Variants in KALRN observed in about 807,000 individuals in gnomAD.
KALRN encodes kalirin RhoGEF kinase, also known as kalirin.
In KALRN, 70 loss-of-function variants were observed where a neutral mutation model predicts 353.7. The ratio of observed to expected loss-of-function variants is 0.20; its 90% CI spans 0.16 to 0.24. The LOEUF (loss-of-function observed/expected upper bound fraction) is 0.24. KALRN is among the 10% of genes least tolerant of loss of function. The pLI, the probability that KALRN is intolerant of heterozygous loss-of-function variation, is 1.00. For missense variants in KALRN, 2,791 were observed against 3,756.7 expected, an observed-to-expected ratio of 0.74 and a Z score of 6.72; for synonymous variants, 1,391 against 1,434.8, an observed-to-expected ratio of 0.97 and a Z score of 0.69.
At chr3:124,229,695 T>A (rs2078948819) in intron 2 of KALRN, among the ~76,000 whole-genome samples, 1 of 152,248 alleles carries the variant, frequency 6.6e-6, no homozygotes, top group East Asian at 1.9e-4. Context: ...GAGAGCCTGA[T>A]GATTCAGAGT....
Position 124,189,705 on chromosome 3 carries a change from C to T in KALRN, c.74-38285C>T, listed in dbSNP as rs556887153. On this transcript the variant is annotated intron_variant, in intron 1 of 59. Transcript: ENST00000682506. ...CTATAATCCTAGCACCTTGGGAGGC[C>T]GAGGCAGGTGGATCACAATGTCAGG... 9.9e-5 allele frequency among the ~76,000 whole-genome samples: 15 copies of T among 152,054 alleles called. No homozygotes were observed. In the East Asian group the frequency reaches 1.5e-3, roughly 16 times the overall value.
intron 45 of KALRN, among the ~76,000 whole-genome samples, chr3:124,664,371 G>GTGCGCGCGCGTGCGTGCA (rs780486751): frequency 1.3e-5 from 1 of 77,044 alleles, no homozygotes; most frequent in African/African-American, 1.1e-4. Flanking sequence ...GTGTGTGTGT[G>GTGCGCGCGCGTGCGTGCA]CGCGCGCGCG....
chr3:124,610,635 G>A (rs55948240), intron 34 of KALRN, among the ~76,000 whole-genome samples: 13,972 of 112,946 alleles, frequency 0.12, 812 homozygotes, highest in South Asian at 0.13. Flanking sequence ...AACTAACCCT[G>A]GGGGGGGCGG....
intron 36 of KALRN, among the ~76,000 whole-genome samples, chr3:124,635,394 G>A (rs1384684287): frequency 6.6e-6 from 1 of 152,146 alleles, no homozygotes; most frequent in Non-Finnish European, 1.5e-5. Context: ...TACAGAAATG[G>A]ATGTTACATT....
intron 1 of KALRN, among the ~76,000 whole-genome samples, chr3:124,113,387 A>G (rs1215505849): frequency 1.3e-5 from 2 of 152,184 alleles, no homozygotes. Context: ...GAGTGGTTAT[A>G]AGGTGCTCTG....
chr3:124,509,682 C>T (rs538870560), intron 33 of KALRN, among the ~76,000 whole-genome samples: 2 of 152,280 alleles, frequency 1.3e-5, no homozygotes, highest in East Asian at 1.9e-4. Flanking sequence ...TCACTCTATA[C>T]ATTATATGCA....
chr3:124,213,571 T>G (rs890888835), intron 1 of KALRN, among the ~76,000 whole-genome samples: 5 of 152,304 alleles, frequency 3.3e-5, no homozygotes, highest in African/African-American at 1.2e-4. Flanking sequence ...AAAATCCCTT[T>G]GGCACATAGG....
At chr3:124,340,088 C>G (rs1304446194) in intron 9 of KALRN, among the ~76,000 whole-genome samples, 1 of 152,144 alleles carries the variant, frequency 6.6e-6, no homozygotes, top group Non-Finnish European at 1.5e-5. Flanking sequence ...AAATGAACCC[C>G]CTGTTTACAT....
At chr3:124,410,216 G>A (rs767777383) in intron 13 of KALRN, 19 of 532,886 alleles carry the variant, frequency 3.6e-5, no homozygotes, top group Admixed American at 5.8e-5. Context: ...CAGGACCGTC[G>A]GCACCTTCCA....
At chr3:124,626,182 A>C (rs181104676) in intron 34 of KALRN, among the ~76,000 whole-genome samples, 1 of 152,362 alleles carries the variant, frequency 6.6e-6, no homozygotes, top group Admixed American at 6.5e-5. Context: ...TAATACCTAC[A>C]TTATGATAAT....
chr3:124,395,285 G>A lies in KALRN; in HGVS notation c.2113G>A (p.Asp705Asn), dbSNP rs2150060768. The change falls in exon 12 of 60, where the codon GAC (aspartate) becomes AAC (asparagine). Residue 705 changes from aspartate (D) to asparagine (N), a missense_variant. Around this residue, in one of 11 missense-constraint regions of KALRN, gnomAD observed 452 missense variants for 575.8 expected, o/e 0.78. Transcript: ENST00000682506. ...ATLNVIKEGEDLIQQLRSAPP... is the reference protein window; with the variant it reads ...ATLNVIKEGENLIQQLRSAPP... ...ACTCAATGTCATCAAGGAAGGCGAA[G>A]ACCTTATCCAGCAGCTCAGGTCAGC... 2 of 1,613,648 alleles carry A rather than the reference G, an allele frequency of 1.2e-6. No homozygotes were observed. Among genetic ancestry groups the A allele is most frequent in the African/African-American group, 2.7e-5 (2 of 74,846 alleles).
At chr3:124,626,031 A>T (rs1170518602) in intron 34 of KALRN, among the ~76,000 whole-genome samples, 2 of 152,176 alleles carry the variant, frequency 1.3e-5, no homozygotes, top group African/African-American at 4.8e-5. Flanking sequence ...CAGTGAGCTG[A>T]GATCGCGCCA....
At position 124,068,999 on chromosome 3, in the gene KALRN, G is replaced by C. The variant is rs111821572; in HGVS notation, c.73+35186G>C. Among the ~76,000 whole-genome samples, 300 of 152,284 alleles carry C rather than the reference G, an allele frequency of 2.0e-3. 1 individual carries two copies. Among genetic ancestry groups the C allele is most frequent in the African/African-American group, 5.9e-3 (246 of 41,568 alleles). The stretch of plus-strand genomic sequence containing the variant: ...GGTGTCTGACCTCCTGCTTTGGTCT[G>C]TCTGGATGTTGAAGCATGAATAACA... On this transcript the variant is annotated intron_variant, in intron 1 of 59. Coordinates refer to ENST00000682506, the MANE Select transcript of KALRN (RefSeq NM_001388419.1).
In KALRN at chr3:124,293,534, A is replaced by G. The variant is rs1580608149; in HGVS notation, c.970-5257A>G. On this transcript the variant is annotated intron_variant, in intron 5 of 59. Coordinates refer to ENST00000682506, the MANE Select transcript of KALRN (RefSeq NM_001388419.1). ...ATTTAAGTAGATTCATTTAACATTT[A>G]CTGTATTAAGAACTAGATTTGTATA... Among the ~76,000 whole-genome samples the G allele has an allele frequency of 2.0e-5, 3 of 152,316 alleles. No individual in the cohort carries two copies. In the South Asian group the frequency reaches 6.2e-4, roughly 32 times the overall value.
intron 33 of KALRN, among the ~76,000 whole-genome samples, chr3:124,509,657 A>C (rs755337176): frequency 6.6e-6 from 1 of 152,236 alleles, no homozygotes; most frequent in South Asian, 2.1e-4. Context: ...TTTTTAAATT[A>C]ATGTTTGTTA....
intron 1 of KALRN, among the ~76,000 whole-genome samples, chr3:124,214,887 G>C (rs546520089): frequency 6.6e-6 from 1 of 152,258 alleles, no homozygotes; most frequent in East Asian, 1.9e-4. Flanking sequence ...ACTCTCCCCA[G>C]ACCTCTCTCC....
intron 4 of KALRN, among the ~76,000 whole-genome samples, chr3:124,265,692 C>T (rs1421967965): frequency 6.6e-6 from 1 of 152,172 alleles, no homozygotes; most frequent in African/African-American, 2.4e-5. Flanking sequence ...ATGTTCATCA[C>T]AGCTCACATG....
intron 34 of KALRN, among the ~76,000 whole-genome samples, chr3:124,588,647 A>G (rs2075454107): frequency 6.6e-6 from 1 of 150,460 alleles, no homozygotes; most frequent in Non-Finnish European, 1.5e-5. Context: ...GCTGGTCTTG[A>G]ACTCCTGACC....
At chr3:124,222,116 C>T (rs1338451098) in intron 1 of KALRN, among the ~76,000 whole-genome samples, 11 of 151,964 alleles carry the variant, frequency 7.2e-5, no homozygotes, top group Non-Finnish European at 1.0e-4. Flanking sequence ...TTTATGCTAC[C>T]GAAAGTAGTT....
Sources: allele counts gnomAD v4.1 joint callset (sites outside exome capture counted in the v4.1 genomes callset), GRCh38; gene constraint gnomAD v4.1.1; regional missense constraint gnomAD v4.1.1; transcripts MANE v1.5; gene names NCBI Gene and HGNC (gene_info 2026-07-23, HGNC 2026-07-21).